Variants in ZBTB11 observed in about 807,000 individuals in gnomAD.
The protein encoded by ZBTB11 is zinc finger and BTB domain-containing protein 11.
ZBTB11 carries 68 observed loss-of-function variants against 113.1 expected under a neutral mutation model. The observed-to-expected ratio is 0.60, with a 90% confidence interval of 0.49 to 0.74. ZBTB11 has a LOEUF of 0.74. ZBTB11 is among the 30% of genes least tolerant of loss of function. The pLI is 0.00. For missense variants in ZBTB11, 1,104 were observed against 1,279.4 expected, an observed-to-expected ratio of 0.86 and a Z score of 2.09; for synonymous variants, 518 against 452.6, an observed-to-expected ratio of 1.14 and a Z score of -1.83.
At chr3:101,662,766 G>A (rs1936913628) in intron 5 of ZBTB11, among the ~76,000 whole-genome samples, 1 of 151,158 alleles carries the variant, frequency 6.6e-6, no homozygotes, top group African/African-American at 2.4e-5. Flanking sequence ...CCTCAAAATT[G>A]TCTTTTTTTT....
intron 6 of ZBTB11, among the ~76,000 whole-genome samples, chr3:101,658,998 G>A (rs1936843856): frequency 6.6e-6 from 1 of 152,148 alleles, no homozygotes; most frequent in African/African-American, 2.4e-5. Flanking sequence ...CAGTACTTTG[G>A]GAGCCTGACG....
At chr3:101,655,064 A>G (rs1936772240) in intron 7 of ZBTB11, among the ~76,000 whole-genome samples, 1 of 152,112 alleles carries the variant, frequency 6.6e-6, no homozygotes, top group African/African-American at 2.4e-5. Flanking sequence ...TTTTTAGTAG[A>G]GACGGGTTTC....
At chr3:101,673,416 T>C (rs1176225859) in intron 1 of ZBTB11, among the ~76,000 whole-genome samples, 2 of 152,046 alleles carry the variant, frequency 1.3e-5, no homozygotes, top group Admixed American at 1.3e-4. Context: ...AATCTTCAAA[T>C]AAGTACAAAT....
intron 3 of ZBTB11, among the ~76,000 whole-genome samples, chr3:101,669,092 G>T (rs1444519779): frequency 5.3e-5 from 8 of 152,132 alleles, no homozygotes; most frequent in African/African-American, 1.7e-4. Context: ...GAGTGCAGTG[G>T]TGTGGTCTCA....
chr3:101,664,481 T>C (rs112261274), intron 5 of ZBTB11, 57 bp downstream of exon 5: 21 of 1,493,716 alleles, frequency 1.4e-5, no homozygotes, highest in Admixed American at 4.5e-5. Flanking sequence ...ATGCAGTAAG[T>C]TGGATTCTAT....
At chr3:101,670,740 C>G (rs1177549575) in intron 3 of ZBTB11, 3 of 178,756 alleles carry the variant, frequency 1.7e-5, no homozygotes, top group Admixed American at 1.7e-4. Flanking sequence ...AGCAGATCCT[C>G]ACATCCCAGC....
Position 101,677,046 on chromosome 3 carries a change from A to G in ZBTB11, c.-132T>C, listed in dbSNP as rs576871185. Reference sequence around the variant, plus strand: ...CTGCGCCTTTGGCGAGCGCTCTTCGACGGCTCCCTTAGTCCGAAGGAAAAG... The same window carrying G: ...CTGCGCCTTTGGCGAGCGCTCTTCGGCGGCTCCCTTAGTCCGAAGGAAAAG... On this transcript the variant is annotated 5_prime_UTR_variant, in exon 1 of 11. Coordinates refer to ENST00000312938, the MANE Select transcript of ZBTB11 (RefSeq NM_014415.4). 1 of 1,027,148 alleles carries G rather than the reference A, an allele frequency of 9.7e-7. No homozygotes were observed. The highest frequency in any genetic ancestry group is 3.2e-5 in the Admixed American group (1 of 30,850). 63.6% of individuals were successfully genotyped at this position (1,027,148 alleles called of 1,614,324 possible). A position where few individuals can be genotyped will look rare whatever the true frequency, so the allele number is the denominator to read the frequency against.
Position 101,676,728 on chromosome 3 carries a change from C to G in ZBTB11, c.187G>C (p.Glu63Gln). ...QRHRKTFAEL[E>Q]VVLQPERRRD... ...CGTCGCTCCGGCTGCAGCACCACCTCCAGCTCCGCGAAGGTCTTGCGGTGC... is the reference window on the plus strand; with the variant it reads ...CGTCGCTCCGGCTGCAGCACCACCTGCAGCTCCGCGAAGGTCTTGCGGTGC... The change falls in exon 1 of 11, where the codon GAG (glutamate) becomes CAG (glutamine). Residue 63 changes from glutamate to glutamine, a missense_variant. Physicochemically the swap from Glu to Gln is conservative, Grantham distance 29. Transcript: ENST00000312938. The G allele has an allele frequency of 6.2e-7, 1 of 1,602,554 alleles. No individual in the cohort carries two copies. Among genetic ancestry groups the G allele is most frequent in the Non-Finnish European group, 8.5e-7 (1 of 1,174,794 alleles).
intron 7 of ZBTB11, among the ~76,000 whole-genome samples, chr3:101,655,664 C>CTTTT (rs774936234): frequency 7.0e-6 from 1 of 142,060 alleles, no homozygotes; most frequent in Non-Finnish European, 1.5e-5. Context: ...TGAGAAAACG[C>CTTTT]TTTTTTTTTT....
chr3:101,671,072 T>TC (rs1576652593), intron 3 of ZBTB11, 58 bp downstream of exon 3: 9 of 1,409,906 alleles, frequency 6.4e-6, no homozygotes, highest in Middle Eastern at 1.8e-4. Context: ...GACATACATA[T>TC]CCCCCTCTTC....
chr3:101,651,554 T>A lies in ZBTB11; in HGVS notation c.2774A>T (p.Asp925Val). The change falls in exon 11 of 11, where the codon GAT (aspartate) becomes GTT (valine). Residue 925 changes from aspartate (D) to valine (V), a missense_variant. Transcript: ENST00000312938. Reference protein sequence around the residue: ...VCPVCSEAYIDARTLRKHMTK... With the variant: ...VCPVCSEAYIVARTLRKHMTK... ...CATATGTTTACGGAGTGTTCGAGCATCTATGTAGGCTTCGCTACATACAGG... is the reference window on the plus strand; with the variant it reads ...CATATGTTTACGGAGTGTTCGAGCAACTATGTAGGCTTCGCTACATACAGG... 6.2e-7 allele frequency: 1 copy of A among 1,614,222 alleles called. No individual in the cohort carries two copies. Among genetic ancestry groups the A allele is most frequent in the Admixed American group, 1.7e-5 (1 of 60,022 alleles).
intron 10 of ZBTB11, among the ~76,000 whole-genome samples, chr3:101,651,935 C>A (rs916409911): frequency 6.6e-6 from 1 of 152,096 alleles, no homozygotes; most frequent in Non-Finnish European, 1.5e-5. Flanking sequence ...TTGAGACCAG[C>A]CTGACCAACA....
intron 6 of ZBTB11, among the ~76,000 whole-genome samples, chr3:101,658,869 C>T (rs1036434125): frequency 2.0e-5 from 3 of 152,132 alleles, no homozygotes; most frequent in South Asian, 2.1e-4. Context: ...TAAACAAACA[C>T]CACCTGTTCC....
Position 101,650,057 on chromosome 3 carries a change from A to G in ZBTB11, c.*1109T>C, listed in dbSNP as rs1209235752. ...TGAATTAATATAACTTAGTTTTCAT[A>G]ACCTTTAAAAATAATTTATCTTCAA... On this transcript the variant is annotated 3_prime_UTR_variant, in exon 11 of 11. Transcript: ENST00000312938. 2.6e-5 allele frequency: 4 copies of G among 152,506 alleles called. No homozygotes were observed. The highest frequency in any genetic ancestry group is 4.4e-5 in the Non-Finnish European group (3 of 67,996). 9.4% of individuals were successfully genotyped at this position (152,506 alleles called of 1,614,324 possible). A position where few individuals can be genotyped will look rare whatever the true frequency, so the allele number is the denominator to read the frequency against.
At position 101,659,905 on chromosome 3, in the gene ZBTB11, A is replaced by T. The variant is rs753845869; in HGVS notation, c.1924T>A (p.Ser642Thr). 1 of 1,614,186 alleles carries T rather than the reference A, an allele frequency of 6.2e-7. No homozygotes were observed. Among genetic ancestry groups the T allele is most frequent in the Non-Finnish European group, 8.5e-7 (1 of 1,180,030 alleles). Reference protein sequence around the residue: ...STSNEASGTSSEKGRTKREFI... With the variant: ...STSNEASGTSTEKGRTKREFI... ...TCCCGCTTGGTTCTGCCCTTCTCAG[A>T]TGATGTTCCCGATGCTTCATTAGAC... is the stretch of plus-strand genomic sequence containing the variant. Residue 642 changes from serine (S) to threonine (T), a missense_variant, in exon 6 of 11, where the codon TCT becomes ACT. Coordinates refer to ENST00000312938, the MANE Select transcript of ZBTB11 (RefSeq NM_014415.4).
At chr3:101,671,954 A>G in intron 2 of ZBTB11, 24 bp downstream of exon 2, 1 of 1,578,644 alleles carries the variant, frequency 6.3e-7, no homozygotes, top group Non-Finnish European at 8.7e-7. Flanking sequence ...CAAATCTTAA[A>G]GCTGACTGGA....
Position 101,672,136 on chromosome 3 carries a change from A to C in ZBTB11, c.388T>G (p.Ser130Ala). ...QEKLDRSRPI[S>A]DVSEMLEELG... Reference sequence around the variant, plus strand: ...TCTTCCAACATTTCTGAAACATCTGATATTGGACGGGATCGATCTAGTTTC... The same window carrying C: ...TCTTCCAACATTTCTGAAACATCTGCTATTGGACGGGATCGATCTAGTTTC... The change falls in exon 2 of 11, where the codon TCA becomes GCA. Residue 130 changes from serine (S) to alanine (A), a missense_variant. Around this residue, in one of 5 missense-constraint regions of ZBTB11, gnomAD observed 245 missense variants for 272.5 expected, o/e 0.90. Coordinates refer to ENST00000312938, the MANE Select transcript of ZBTB11 (RefSeq NM_014415.4). 1 of 1,614,152 alleles carries C rather than the reference A, an allele frequency of 6.2e-7. No individual in the cohort carries two copies. The highest frequency in any genetic ancestry group is 8.5e-7 in the Non-Finnish European group (1 of 1,180,016).
chr3:101,666,456 A>G (rs904476816), intron 3 of ZBTB11, among the ~76,000 whole-genome samples: 2 of 152,220 alleles, frequency 1.3e-5, no homozygotes, highest in African/African-American at 4.8e-5. Context: ...ACAAAAGCGG[A>G]AGGAGGGAAA....
rs1267379043 is a variant in ZBTB11 at position 101,651,641 on chromosome 3, G to T, written c.2687C>A (p.Ala896Asp). 1 of 1,587,542 alleles carries T rather than the reference G, an allele frequency of 6.3e-7. No homozygotes were observed. Among genetic ancestry groups the T allele is most frequent in the Admixed American group, 1.8e-5 (1 of 56,114 alleles). ...ATGGCGTTTTAGAGATCGGGCATCA[G>T]CCCAAGCTACTCCACATGTTAAGCA... ...FECLTCGVAW[A>D]DARSLKRHVR... is the part of the protein sequence containing the mutation. Residue 896 changes from alanine to aspartate, a missense_variant, in exon 11 of 11, where the codon GCT (alanine) becomes GAT (aspartate). Ala to Asp is a moderately radical substitution (Grantham distance 126). Transcript: ENST00000312938.
Sources: gnomAD v4.1 joint callset for allele counts (sites outside exome capture counted in the v4.1 genomes callset) on GRCh38, gnomAD v4.1.1 for gene constraint, gnomAD v4.1.1 regional missense constraint, MANE v1.5 for transcripts, NCBI Gene and HGNC (gene_info 2026-07-23, HGNC 2026-07-21) for gene names.